ST8SIA1: variants seen among roughly 807,000 people sequenced by gnomAD.
The protein encoded by ST8SIA1 is alpha-N-acetylneuraminide alpha-2,8-sialyltransferase.
ST8SIA1 carries 16 observed loss-of-function variants against 35.9 expected under a neutral mutation model. The observed-to-expected ratio is 0.45, with a 90% CI of 0.30 to 0.68. The LOEUF is 0.68. ST8SIA1 is among the 30% of genes least tolerant of loss of function. The pLI, the probability that ST8SIA1 is intolerant of heterozygous loss-of-function variation, is 0.09. For synonymous variants in ST8SIA1, 170 were observed against 169.6 expected (o/e 1.00, Z -0.02); for missense variants, 383 against 453.6 (o/e 0.84, Z 1.41).
At chr12:22,262,246 G>A (rs1865801381) in intron 2 of ST8SIA1, among the ~76,000 whole-genome samples, 1 of 152,200 alleles carries the variant, frequency 6.6e-6, no homozygotes, top group South Asian at 2.1e-4. Flanking sequence ...CGCTATTCAA[G>A]TCTGAAGAAT....
chr12:22,319,400 A>G (rs895004492), intron 1 of ST8SIA1, among the ~76,000 whole-genome samples: 2 of 152,240 alleles, frequency 1.3e-5, no homozygotes, highest in African/African-American at 4.8e-5. Flanking sequence ...CTGTTTTAAA[A>G]GTCCAAAGAG....
intron 4 of ST8SIA1, among the ~76,000 whole-genome samples, chr12:22,244,933 C>G (rs1232386129): frequency 1.3e-5 from 2 of 152,056 alleles, no homozygotes; most frequent in Admixed American, 1.3e-4. Flanking sequence ...TGACATCTGT[C>G]ATATATACTG....
At chr12:22,308,987 A>G (rs1002569596) in intron 1 of ST8SIA1, among the ~76,000 whole-genome samples, 1 of 152,192 alleles carries the variant, frequency 6.6e-6, no homozygotes, top group African/African-American at 2.4e-5. Context: ...TCACAGCCAC[A>G]TTCCTTATAT....
chr12:22,272,162 T>C (rs1009466601), intron 2 of ST8SIA1, among the ~76,000 whole-genome samples: 4 of 152,218 alleles, frequency 2.6e-5, no homozygotes, highest in Non-Finnish European at 4.4e-5. Flanking sequence ...AAGTGAACGT[T>C]TTAAGTGAAT....
chr12:22,297,114 T>C (rs186288376), intron 1 of ST8SIA1, among the ~76,000 whole-genome samples: 162 of 152,216 alleles, frequency 1.1e-3, no homozygotes, highest in Non-Finnish European at 2.8e-4. Context: ...ACTTTTTCTT[T>C]CTTGTTGTAA....
At chr12:22,300,070 T>C (rs1866299956) in intron 1 of ST8SIA1, among the ~76,000 whole-genome samples, 1 of 152,188 alleles carries the variant, frequency 6.6e-6, no homozygotes, top group Admixed American at 6.6e-5. Flanking sequence ...AAAACTAAGA[T>C]TTAAAAGAAT....
intron 4 of ST8SIA1, among the ~76,000 whole-genome samples, chr12:22,244,557 A>G (rs1388609397): frequency 1.3e-5 from 2 of 152,126 alleles, no homozygotes; most frequent in African/African-American, 4.8e-5. Flanking sequence ...CCTGTACTCA[A>G]GCAATTCTCC....
Position 22,201,707 on chromosome 12 carries a change from G to A in ST8SIA1, c.916C>T (p.Pro306Ser), listed in dbSNP as rs1240706536. The stretch of plus-strand genomic sequence containing the variant: ...TTGTCATAGTAGTGGTGGCTGATGG[G>A]CTGCTCATGCATATTCACAGAGAAG... ...WPFSVNMHEQ[P>S]ISHHYYDNVL... Residue 306 changes from proline (P) to serine (S), a missense_variant, in exon 5 of 5, where the codon CCC becomes TCC. Pro to Ser is a moderately conservative substitution (Grantham distance 74). Coordinates refer to ENST00000396037, the MANE Select transcript of ST8SIA1 (RefSeq NM_003034.4). 1 of 1,614,122 alleles carries A rather than the reference G, an allele frequency of 6.2e-7. No individual in the cohort carries two copies. The highest frequency in any genetic ancestry group is 1.1e-5 in the South Asian group (1 of 91,086).
chr12:22,289,945 C>T (rs1303562611), intron 1 of ST8SIA1, among the ~76,000 whole-genome samples: 1 of 152,200 alleles, frequency 6.6e-6, no homozygotes, highest in African/African-American at 2.4e-5. Context: ...AGTTCATTAG[C>T]TTAGCAAATG....
chr12:22,212,647 C>T (rs1346855294), intron 4 of ST8SIA1, among the ~76,000 whole-genome samples: 2 of 152,212 alleles, frequency 1.3e-5, no homozygotes, highest in Non-Finnish European at 2.9e-5. Flanking sequence ...TCTTGCTCTT[C>T]ACCTCGCAAG....
At chr12:22,232,651 C>G (rs1865432748) in intron 4 of ST8SIA1, among the ~76,000 whole-genome samples, 1 of 151,912 alleles carries the variant, frequency 6.6e-6, no homozygotes, top group Non-Finnish European at 1.5e-5. Flanking sequence ...AGTATTTAAG[C>G]CCTGAGACTG....
Position 22,223,641 on chromosome 12 carries a change from C to G in ST8SIA1, c.585-21603G>C. 9 of 1,144,954 alleles carry G rather than the reference C, an allele frequency of 7.9e-6. No homozygotes were observed. The South Asian group carries it at 1.3e-4, about 16-fold the overall frequency. The allele number at this position is 1,144,954 out of a possible 1,614,324, so 70.9% of individuals were successfully genotyped here. A position where few individuals can be genotyped will look rare whatever the true frequency, so the allele number is the denominator to read the frequency against. Reference sequence around the variant, plus strand: ...CTGAAGTTGTGGCTTCTCAACGTGGCAGGGATTCTGATTCTGACTGATTCT... The same window carrying G: ...CTGAAGTTGTGGCTTCTCAACGTGGGAGGGATTCTGATTCTGACTGATTCT... On this transcript the variant is annotated intron_variant, in intron 4 of 4. Transcript: ENST00000396037.
chr12:22,232,797 C>T (rs573973302), intron 4 of ST8SIA1, among the ~76,000 whole-genome samples: 4 of 152,012 alleles, frequency 2.6e-5, no homozygotes, highest in African/African-American at 4.8e-5. Context: ...CAAGATCTCG[C>T]CACTGCACTC....
intron 4 of ST8SIA1, among the ~76,000 whole-genome samples, chr12:22,243,011 CA>C (rs1865557544): frequency 6.6e-6 from 1 of 152,188 alleles, no homozygotes; most frequent in Non-Finnish European, 1.5e-5. Context: ...CTTACTGTAG[CA>C]AAGCTCCTTC....
chr12:22,319,837 G>A (rs1209669016), intron 1 of ST8SIA1, among the ~76,000 whole-genome samples: 5 of 152,324 alleles, frequency 3.3e-5, no homozygotes, highest in Non-Finnish European at 4.4e-5. Flanking sequence ...GCTTAGCTAG[G>A]AGGTGTGTTG....
In ST8SIA1 at chr12:22,334,255, C is replaced by G; in HGVS notation, c.-23G>C. On this transcript the variant is annotated 5_prime_UTR_variant, in exon 1 of 5. Transcript: ENST00000396037. ...CATCGCAGCCCCGGCGTCCCAGGGG[C>G]GGGGGCCGGGGCCTCAGCACAAAGC... The G allele has an allele frequency of 2.5e-6, 4 of 1,591,628 alleles. No individual in the cohort carries two copies. The highest frequency in any genetic ancestry group is 2.6e-6 in the Non-Finnish European group (3 of 1,166,166).
At chr12:22,321,432 A>G (rs1866599415) in intron 1 of ST8SIA1, among the ~76,000 whole-genome samples, 1 of 152,200 alleles carries the variant, frequency 6.6e-6, no homozygotes, top group Non-Finnish European at 1.5e-5. Flanking sequence ...TCCCTGCCCA[A>G]ACTGAAGCAG....
intron 4 of ST8SIA1, among the ~76,000 whole-genome samples, chr12:22,208,509 C>T (rs1436572843): frequency 3.3e-5 from 5 of 151,778 alleles, no homozygotes; most frequent in Non-Finnish European, 5.9e-5. Context: ...AAAATAAATA[C>T]AACATTTTTA....
chr12:22,250,738 T>C (rs1176632956), intron 3 of ST8SIA1: 2 of 152,230 alleles, frequency 1.3e-5, no homozygotes, highest in Non-Finnish European at 2.9e-5. Flanking sequence ...ACCCTGTGAG[T>C]ATCAACACAT....
Sources: allele counts gnomAD v4.1 joint callset (sites outside exome capture counted in the v4.1 genomes callset), GRCh38; gene constraint gnomAD v4.1.1; transcripts MANE v1.5; gene names NCBI Gene and HGNC (gene_info 2026-07-23, HGNC 2026-07-21).